Variants in NXPE2 observed in about 807,000 individuals in gnomAD.
NXPE2 encodes the protein NXPE family member 2.
In NXPE2, 34 loss-of-function variants were observed where a neutral mutation model predicts 34.4. The ratio of observed to expected loss-of-function variants is 0.99; its 90% confidence interval spans 0.75 to 1.31. The LOEUF is 1.31. NXPE2 is among the 40% of genes most tolerant of loss of function. The pLI is 0.00. For missense variants in NXPE2, 649 were observed against 672.5 expected (o/e 0.97, Z 0.39); for synonymous variants, 235 against 231.3 (o/e 1.02, Z -0.15).
intron 2 of NXPE2, among the ~76,000 whole-genome samples, chr11:114,685,543 G>A (rs1006757152): frequency 6.6e-6 from 1 of 152,090 alleles, no homozygotes; most frequent in Non-Finnish European, 1.5e-5. Flanking sequence ...TACAAATTTG[G>A]GAGAACCACA....
At chr11:114,673,279 A>G in the NXPE2 span, among the ~76,000 whole-genome samples, 7 of 151,604 alleles carry the variant, frequency 4.6e-5, no homozygotes, top group East Asian at 1.2e-3. Context: ...TTTCAGATGA[A>G]TGAAAATGAA....
the NXPE2 span, among the ~76,000 whole-genome samples, chr11:114,639,011 C>T: frequency 1.3e-5 from 2 of 152,032 alleles, no homozygotes; most frequent in Admixed American, 6.6e-5. Context: ...CAGACTGGGA[C>T]ATTTAAGTTT....
chr11:114,674,145 AAGG>A (rs1950832183), upstream of NXPE2, among the ~76,000 whole-genome samples: 1 of 151,784 alleles, frequency 6.6e-6, no homozygotes, highest in Non-Finnish European at 1.5e-5. Context: ...AAAACCTGCT[AAGG>A]AATTAAAATG....
At chr11:114,598,387 C>T in the NXPE2 span, among the ~76,000 whole-genome samples, 2 of 141,574 alleles carry the variant, frequency 1.4e-5, no homozygotes, top group Admixed American at 1.4e-4. Flanking sequence ...TTTCTCACAG[C>T]TCCACTAGGC....
the NXPE2 span, among the ~76,000 whole-genome samples, chr11:114,799,016 C>T: frequency 3.3e-4 from 51 of 152,288 alleles, no homozygotes; most frequent in Non-Finnish European, 6.3e-4. Flanking sequence ...CTTTTGTTGC[C>T]AAATCAGAAT....
At chr11:114,558,412 AC>A in the NXPE2 span, among the ~76,000 whole-genome samples, 5 of 152,222 alleles carry the variant, frequency 3.3e-5, 1 homozygote, top group African/African-American at 1.2e-4. Context: ...GTTAGTTTCA[AC>A]ATTTTACTAT....
the NXPE2 span, among the ~76,000 whole-genome samples, chr11:114,504,455 C>T: frequency 1.3e-5 from 2 of 152,170 alleles, no homozygotes; most frequent in Non-Finnish European, 2.9e-5. Flanking sequence ...TTGCCTCTAT[C>T]GCTGTGGTGA....
chr11:114,600,726 G>T, the NXPE2 span, among the ~76,000 whole-genome samples: 1 of 151,970 alleles, frequency 6.6e-6, no homozygotes, highest in Non-Finnish European at 1.5e-5. Context: ...AAAAAAGTCT[G>T]TAATTTCACT....
the NXPE2 span, among the ~76,000 whole-genome samples, chr11:114,629,124 A>T: frequency 5.7e-3 from 865 of 152,180 alleles, 10 homozygotes; most frequent in African/African-American, 0.019. Flanking sequence ...TCCTTCTGAA[A>T]CTATTCCAAT....
chr11:114,732,248 C>T, the NXPE2 span, among the ~76,000 whole-genome samples: 2 of 152,150 alleles, frequency 1.3e-5, no homozygotes, highest in African/African-American at 4.8e-5. Flanking sequence ...CAGTTCCCTC[C>T]CTTGCAACAA....
chr11:114,614,055 TAA>T, the NXPE2 span, among the ~76,000 whole-genome samples: 9 of 151,218 alleles, frequency 6.0e-5, no homozygotes, highest in East Asian at 2.0e-4. Context: ...CGGTGAATAA[TAA>T]GTGTCGCCTC....
chr11:114,682,607 C>G (rs1457821468), intron 2 of NXPE2, among the ~76,000 whole-genome samples: 1 of 152,122 alleles, frequency 6.6e-6, no homozygotes, highest in African/African-American at 2.4e-5. Context: ...CAGGAAGATG[C>G]AAGGAAGTAA....
the NXPE2 span, among the ~76,000 whole-genome samples, chr11:114,793,573 C>T: frequency 6.6e-6 from 1 of 152,170 alleles, no homozygotes; most frequent in African/African-American, 2.4e-5. Flanking sequence ...ACCTGGCCTT[C>T]TGCGATGGGA....
chr11:114,798,355 G>GCTC, the NXPE2 span, among the ~76,000 whole-genome samples: 6 of 151,756 alleles, frequency 4.0e-5, no homozygotes, highest in African/African-American at 9.7e-5. Flanking sequence ...CTCTCTTTGG[G>GCTC]CTCCTCCTTC....
the NXPE2 span, among the ~76,000 whole-genome samples, chr11:114,625,991 G>T: frequency 2.6e-5 from 4 of 152,170 alleles, no homozygotes; most frequent in Non-Finnish European, 4.4e-5. Context: ...GGCGCACCAG[G>T]AGATTATATC....
At chr11:114,702,555 T>A (rs1344220652) in intron 3 of NXPE2, among the ~76,000 whole-genome samples, 1 of 152,226 alleles carries the variant, frequency 6.6e-6, no homozygotes, top group African/African-American at 2.4e-5. Context: ...CCAACATTTA[T>A]GTTAGATGCC....
the NXPE2 span, among the ~76,000 whole-genome samples, chr11:114,540,677 T>A: frequency 1.3e-5 from 2 of 151,908 alleles, no homozygotes; most frequent in African/African-American, 4.8e-5. Flanking sequence ...CAAAAACAAG[T>A]ACCTGAAGGC....
chr11:114,678,909 TG>T (rs917901327), intron 1 of NXPE2, among the ~76,000 whole-genome samples: 1 of 150,624 alleles, frequency 6.6e-6, no homozygotes, highest in Non-Finnish European at 1.5e-5. Context: ...TTTGGTATGA[TG>T]TTTTTTTTCT....
At chr11:114,499,693 G>A in the NXPE2 span, among the ~76,000 whole-genome samples, 3,223 of 152,152 alleles carry the variant, frequency 0.021, 107 homozygotes, top group African/African-American at 0.071. Context: ...TGACAAATAC[G>A]TATGTCTGTG....
Sources: allele counts gnomAD v4.1 joint callset (sites outside exome capture counted in the v4.1 genomes callset), GRCh38; gene constraint gnomAD v4.1.1; transcripts MANE v1.5; gene names NCBI Gene and HGNC (gene_info 2026-07-23, HGNC 2026-07-21).